Variants in CHN2 observed in about 807,000 individuals in gnomAD.
The protein encoded by CHN2 is beta-chimaerin.
A neutral mutation model predicts 56.3 loss-of-function variants in CHN2; 35 were observed. The observed-to-expected ratio is 0.62, with a 90% CI of 0.47 to 0.82. The LOEUF is 0.82. Ranked by LOEUF, CHN2 falls within the 40% of genes least tolerant of loss-of-function variation. The probability of loss-of-function intolerance (pLI) is 0.00; values close to 1 mark genes in which losing one functional copy is unlikely to be tolerated. For synonymous variants in CHN2, 210 were observed against 212.8 expected, an observed-to-expected ratio of 0.99 and a Z score of 0.12; for missense variants, 491 against 580.5, an observed-to-expected ratio of 0.85 and a Z score of 1.58.
At chr7:29,501,714 C>T (rs137979903) in intron 9 of CHN2, among the ~76,000 whole-genome samples, 62 of 152,158 alleles carry the variant, frequency 4.1e-4, no homozygotes, top group African/African-American at 1.4e-3. Context: ...GAGAATGCAC[C>T]GGGAGAAATT....
intron 2 of CHN2, among the ~76,000 whole-genome samples, chr7:29,172,109 A>G (rs1360411749): frequency 6.6e-6 from 1 of 152,208 alleles, no homozygotes; most frequent in East Asian, 1.9e-4. Context: ...CGCTTGGATT[A>G]CATTGCCACC....
intron 2 of CHN2, among the ~76,000 whole-genome samples, chr7:29,362,223 C>G (rs1188971390): frequency 6.6e-6 from 1 of 152,164 alleles, no homozygotes; most frequent in African/African-American, 2.4e-5. Context: ...AAAACTACAG[C>G]CTTTGGGTTT....
intron 6 of CHN2, among the ~76,000 whole-genome samples, chr7:29,417,870 T>G (rs1479770195): frequency 2.6e-5 from 4 of 152,082 alleles, no homozygotes; most frequent in Non-Finnish European, 4.4e-5. Context: ...TGAGAGAACC[T>G]TGGAACTTGA....
chr7:29,204,067 C>G (rs39051), intron 1 of CHN2, among the ~76,000 whole-genome samples: 14,737 of 128,402 alleles, frequency 0.11, 878 homozygotes, highest in Admixed American at 0.2. Flanking sequence ...TTCTCTCTCT[C>G]TGTGTGTGTG....
At chr7:29,419,155 C>T (rs975419633) in intron 6 of CHN2, among the ~76,000 whole-genome samples, 1 of 131,574 alleles carries the variant, frequency 7.6e-6, no homozygotes, top group Non-Finnish European at 1.7e-5. Flanking sequence ...GTAGACACCT[C>T]AAGGCTTTGT....
rs139793564 is a variant in CHN2 at position 29,486,308 on chromosome 7, C to G, written c.654+5952C>G. On this transcript the variant is annotated intron_variant, in intron 7 of 12. Transcript: ENST00000222792. ...CCTACAGTTGAGCTTTCGGAGCCCT[C>G]TCCTCACTCCCTGCCCTGCAGTTTG... 7.3e-3 allele frequency among the ~76,000 whole-genome samples: 1,118 copies of G among 152,328 alleles called. 21 individuals are homozygous for G. Among genetic ancestry groups the G allele is most frequent in the African/African-American group, 0.025 (1,057 of 41,572 alleles).
At chr7:29,316,857 C>T (rs1284203490) in intron 1 of CHN2, among the ~76,000 whole-genome samples, 5 of 151,956 alleles carry the variant, frequency 3.3e-5, no homozygotes, top group Admixed American at 3.3e-4. Flanking sequence ...GCGGGGGAAT[C>T]ATGTGGTCCC....
At chr7:29,184,047 A>G (rs1376650207) in intron 2 of CHN2, among the ~76,000 whole-genome samples, 1 of 151,996 alleles carries the variant, frequency 6.6e-6, no homozygotes, top group Non-Finnish European at 1.5e-5. Context: ...TATTTTATAT[A>G]AGACACTTGG....
chr7:29,417,485 G>A (rs373859270), intron 6 of CHN2, among the ~76,000 whole-genome samples: 32 of 152,082 alleles, frequency 2.1e-4, no homozygotes, highest in South Asian at 1.5e-3. Context: ...ACAGGCGCCC[G>A]CCACCACGCC....
At chr7:29,197,941 A>G (rs1783874415) in intron 1 of CHN2, 1 of 456,334 alleles carries the variant, frequency 2.2e-6, no homozygotes. Flanking sequence ...AGAAAAAGAC[A>G]TTTCAGGAAG....
At chr7:29,446,276 T>G (rs557711513) in intron 6 of CHN2, among the ~76,000 whole-genome samples, 14 of 152,234 alleles carry the variant, frequency 9.2e-5, no homozygotes, top group South Asian at 6.2e-4. Context: ...AGAAAACTAT[T>G]GAAATTTAAA....
chr7:29,424,170 T>C (rs966279436), intron 6 of CHN2, among the ~76,000 whole-genome samples: 3 of 152,240 alleles, frequency 2.0e-5, no homozygotes, highest in African/African-American at 4.8e-5. Context: ...TTGGTGTCCC[T>C]GGGTGAAATA....
chr7:29,464,787 C>T (rs546402996), intron 6 of CHN2, among the ~76,000 whole-genome samples: 1 of 152,320 alleles, frequency 6.6e-6, no homozygotes, highest in Non-Finnish European at 1.5e-5. Context: ...GAACAGGGAG[C>T]TCCATCTGCT....
At chr7:29,252,374 G>C (rs912347293) in intron 1 of CHN2, among the ~76,000 whole-genome samples, 3 of 150,638 alleles carry the variant, frequency 2.0e-5, no homozygotes, top group Non-Finnish European at 3.0e-5. Context: ...ATTTTTAGTA[G>C]AGATGGAGTT....
intron 1 of CHN2, among the ~76,000 whole-genome samples, chr7:29,282,040 G>A (rs1406006224): frequency 1.3e-5 from 2 of 151,952 alleles, no homozygotes; most frequent in African/African-American, 2.4e-5. Flanking sequence ...AGAACAGGCC[G>A]GGATGGGAAC....
In CHN2 at chr7:29,323,999, G is replaced by A. The variant is rs567266449; in HGVS notation, c.50-30626G>A. Among the ~76,000 whole-genome samples, 474 of 151,120 alleles carry A rather than the reference G, an allele frequency of 3.1e-3. 2 individuals carry two copies. The highest frequency in any genetic ancestry group is 0.01 in the African/African-American group (429 of 41,136). The stretch of plus-strand genomic sequence containing the variant: ...AGCCTGGGCGACAGAGCGAGACCCC[G>A]TCTCAAAAAAACAAAACAAAACCAA... On this transcript the variant is annotated intron_variant, in intron 1 of 12. Coordinates refer to ENST00000222792, the MANE Select transcript of CHN2 (RefSeq NM_004067.4).
chr7:29,177,915 A>C (rs1314785131), intron 2 of CHN2, among the ~76,000 whole-genome samples: 1 of 152,152 alleles, frequency 6.6e-6, no homozygotes, highest in Non-Finnish European at 1.5e-5. Context: ...CACATGTCCG[A>C]AACACAACCC....
chr7:29,509,625 A>G (rs1403036183), intron 12 of CHN2: 5 of 398,238 alleles, frequency 1.3e-5, no homozygotes, highest in African/African-American at 6.2e-5. Flanking sequence ...TGGGCGGATC[A>G]TGAGGTCAGG....
intron 4 of CHN2, among the ~76,000 whole-genome samples, chr7:29,395,477 C>T (rs1298867894): frequency 1.3e-5 from 2 of 151,546 alleles, no homozygotes; most frequent in Non-Finnish European, 3.0e-5. Context: ...AACCATTGCA[C>T]TCCAGCCTGG....
Sources: gnomAD v4.1 joint callset for allele counts (sites outside exome capture counted in the v4.1 genomes callset) on GRCh38, gnomAD v4.1.1 for gene constraint, MANE v1.5 for transcripts, NCBI Gene and HGNC (gene_info 2026-07-23, HGNC 2026-07-21) for gene names.